HS6ST1: variants seen among roughly 807,000 people sequenced by gnomAD.
HS6ST1 encodes the protein heparan-sulfate 6-O-sulfotransferase 1.
In HS6ST1, 3 loss-of-function variants were observed where a neutral mutation model predicts 25.2. That is an observed-to-expected ratio of 0.12 (90% CI 0.05 to 0.31). The LOEUF (loss-of-function observed/expected upper bound fraction) is 0.31, where lower values mean the gene tolerates loss of function less well. Ranked by LOEUF, HS6ST1 falls within the 10% of genes least tolerant of loss-of-function variation. HS6ST1 has a pLI of 1.00. For missense variants in HS6ST1, 310 were observed against 609.6 expected, an observed-to-expected ratio of 0.51 and a Z score of 5.18; for synonymous variants, 204 against 275.1, an observed-to-expected ratio of 0.74 and a Z score of 2.56.
At position 128,268,324 on chromosome 2, in the gene HS6ST1, G is replaced by A; in HGVS notation, c.1074C>T (p.Arg358=). 1.2e-6 allele frequency: 2 copies of A among 1,613,534 alleles called. No individual in the cohort carries two copies. The highest frequency in any genetic ancestry group is 1.7e-6 in the Non-Finnish European group (2 of 1,179,858). The change falls in exon 2 of 2, where the codon CGC becomes CGT. Residue 358 remains arginine (R), a synonymous_variant. Transcript: ENST00000259241. The part of the protein sequence containing the change: ...YDYAKDLFQQ[R]YQYKRQLERR... ...GCTCCAGCTGCCGCTTGTACTGGTA[G>A]CGCTGCTGGAAGAGGTCCTTGGCGT...
At chr2:128,300,252 G>A (rs1032133351) in intron 1 of HS6ST1, among the ~76,000 whole-genome samples, 4 of 152,158 alleles carry the variant, frequency 2.6e-5, no homozygotes, top group Admixed American at 1.3e-4. Flanking sequence ...CCCACACAGC[G>A]GAGCCTGCCC....
chr2:128,306,543 TC>T (rs1356429751), intron 1 of HS6ST1, among the ~76,000 whole-genome samples: 1 of 152,142 alleles, frequency 6.6e-6, no homozygotes, highest in Admixed American at 6.5e-5. Context: ...GGGGAGATGC[TC>T]CCCCTGCCGC....
intron 1 of HS6ST1, among the ~76,000 whole-genome samples, chr2:128,306,420 C>T (rs910164747): frequency 5.9e-5 from 9 of 152,208 alleles, no homozygotes; most frequent in African/African-American, 1.9e-4. Flanking sequence ...CCACCCTGGC[C>T]ACGATGACGC....
chr2:128,295,719 T>C (rs1694031097), intron 1 of HS6ST1, among the ~76,000 whole-genome samples: 1 of 152,108 alleles, frequency 6.6e-6, no homozygotes, highest in South Asian at 2.1e-4. Context: ...GTTCAAAATA[T>C]GAAAATCAAT....
intron 1 of HS6ST1, among the ~76,000 whole-genome samples, chr2:128,284,973 GTCA>G: frequency 6.6e-6 from 1 of 152,314 alleles, no homozygotes; most frequent in South Asian, 2.1e-4. Flanking sequence ...CTTCCAGGAT[GTCA>G]TCACTGTGGC....
chr2:128,277,728 G>A lies in HS6ST1; in HGVS notation c.528-8858C>T, dbSNP rs565665949. Among the ~76,000 whole-genome samples the A allele has an allele frequency of 2.0e-5, 3 of 152,342 alleles. No homozygotes were observed. In the East Asian group the frequency reaches 5.8e-4, roughly 29 times the overall value. On this transcript the variant is annotated intron_variant, in intron 1 of 1. Coordinates refer to ENST00000259241, the MANE Select transcript of HS6ST1 (RefSeq NM_004807.3). ...ACTCTATAGGAAAACGAGGTTGAAC[G>A]AGTAATGGCCTTGAGTGTGAAACTC...
chr2:128,297,775 G>A (rs1313078125), intron 1 of HS6ST1, among the ~76,000 whole-genome samples: 2 of 152,194 alleles, frequency 1.3e-5, no homozygotes, highest in East Asian at 1.9e-4. Context: ...CAGAGGTTGC[G>A]GTGAGCCGAG....
chr2:128,314,912 C>T (rs765359400), intron 1 of HS6ST1, among the ~76,000 whole-genome samples: 2 of 152,224 alleles, frequency 1.3e-5, no homozygotes, highest in African/African-American at 2.4e-5. Flanking sequence ...CCTGTTCTTG[C>T]GTTGCCTTCA....
At chr2:128,274,104 C>T (rs1693655469) in intron 1 of HS6ST1, among the ~76,000 whole-genome samples, 1 of 152,204 alleles carries the variant, frequency 6.6e-6, no homozygotes, top group South Asian at 2.1e-4. Context: ...CTATCACTAT[C>T]CAGCAGGGTC....
In HS6ST1 at chr2:128,266,604, C is replaced by T. The variant is rs1413481345; in HGVS notation, c.*1558G>A. The T allele has an allele frequency of 6.6e-6, 1 of 152,318 alleles. No homozygotes were observed. The highest frequency in any genetic ancestry group is 1.5e-5 in the Non-Finnish European group (1 of 68,134). 9.4% of individuals were successfully genotyped at this position (152,318 alleles called of 1,614,324 possible). A position where few individuals can be genotyped will look rare whatever the true frequency, so the allele number is the denominator to read the frequency against. On this transcript the variant is annotated 3_prime_UTR_variant, in exon 2 of 2. Coordinates refer to ENST00000259241, the MANE Select transcript of HS6ST1 (RefSeq NM_004807.3). ...AAGCCCGTGGTGACCCACGTCTCCA[C>T]CCCATGGTGTGGCAACTGTGGTGGC...
At chr2:128,289,680 C>T (rs944636681) in intron 1 of HS6ST1, 2 of 152,198 alleles carry the variant, frequency 1.3e-5, no homozygotes, top group Non-Finnish European at 2.9e-5. Context: ...TCTGTTTCCT[C>T]CTTGCACAAA....
chr2:128,316,630 G>A (rs544369050), intron 1 of HS6ST1, among the ~76,000 whole-genome samples: 46 of 152,156 alleles, frequency 3.0e-4, no homozygotes, highest in Non-Finnish European at 1.9e-4. Context: ...CTCTGTGACC[G>A]CCAAGTGTAG....
intron 1 of HS6ST1, among the ~76,000 whole-genome samples, chr2:128,270,022 G>T (rs998793075): frequency 6.6e-6 from 1 of 152,222 alleles, no homozygotes; most frequent in African/African-American, 2.4e-5. Flanking sequence ...CTGGCAAGTG[G>T]TGCGGTGCCA....
At chr2:128,303,270 G>A (rs1325144805) in intron 1 of HS6ST1, among the ~76,000 whole-genome samples, 1 of 152,262 alleles carries the variant, frequency 6.6e-6, no homozygotes, top group Non-Finnish European at 1.5e-5. Context: ...GGCAGGGCCA[G>A]GAGGGCATGT....
chr2:128,294,403 G>C (rs1305708116), intron 1 of HS6ST1, among the ~76,000 whole-genome samples: 1 of 152,208 alleles, frequency 6.6e-6, no homozygotes, highest in Non-Finnish European at 1.5e-5. Flanking sequence ...GTCTTCCTTT[G>C]TTCTCAGCCT....
At chr2:128,277,957 G>A (rs188809567) in intron 1 of HS6ST1, among the ~76,000 whole-genome samples, 16 of 152,366 alleles carry the variant, frequency 1.1e-4, no homozygotes, top group African/African-American at 2.9e-4. Flanking sequence ...CTGGTTTAGT[G>A]TGCCCCACAA....
At chr2:128,273,590 CCCCTCTGCCTTGTCCCCTT>C (rs1212144950) in intron 1 of HS6ST1, among the ~76,000 whole-genome samples, 2 of 152,240 alleles carry the variant, frequency 1.3e-5, no homozygotes, top group East Asian at 1.9e-4. Context: ...GCCCTCCCCT[CCCCTCTGCCTTGTCCCCTT>C]CCCTCTGCCA....
intron 1 of HS6ST1, among the ~76,000 whole-genome samples, chr2:128,281,580 G>A (rs1427075790): frequency 6.6e-6 from 1 of 152,234 alleles, no homozygotes; most frequent in East Asian, 1.9e-4. Flanking sequence ...CCACTTTGTA[G>A]AGCGAAGAGA....
chr2:128,280,205 TG>T (rs1216816594), intron 1 of HS6ST1, among the ~76,000 whole-genome samples: 3 of 152,232 alleles, frequency 2.0e-5, no homozygotes, highest in Non-Finnish European at 4.4e-5. Flanking sequence ...AGTGGAAGTC[TG>T]ATTTTGGCTC....
Sources: gnomAD v4.1 joint callset for allele counts (sites outside exome capture counted in the v4.1 genomes callset) on GRCh38, gnomAD v4.1.1 for gene constraint, MANE v1.5 for transcripts, NCBI Gene and HGNC (gene_info 2026-07-23, HGNC 2026-07-21) for gene names.